Variants in MBNL1 observed in about 807,000 individuals in gnomAD.
MBNL1 encodes muscleblind-like protein 1.
Under a neutral mutation model 42.2 loss-of-function variants are expected in MBNL1, and 8 were observed. The observed-to-expected ratio is 0.19, with a 90% CI of 0.11 to 0.34. The LOEUF (loss-of-function observed/expected upper bound fraction) is 0.34. MBNL1 is among the 10% of genes least tolerant of loss of function. The pLI, the probability that MBNL1 is intolerant of heterozygous loss-of-function variation, is 1.00. For missense variants in MBNL1, 309 were observed against 495.3 expected (o/e 0.62, Z 3.57); for synonymous variants, 169 against 173.9 (o/e 0.97, Z 0.22).
At chr3:152,318,987 C>G (rs2074297832) in intron 2 of MBNL1, among the ~76,000 whole-genome samples, 1 of 152,110 alleles carries the variant, frequency 6.6e-6, no homozygotes, top group South Asian at 2.1e-4. Flanking sequence ...GGAAGTTCCT[C>G]TAGCATTTTT....
At chr3:152,336,274 G>C (rs140796339) in intron 2 of MBNL1, among the ~76,000 whole-genome samples, 49 of 151,754 alleles carry the variant, frequency 3.2e-4, no homozygotes, top group Admixed American at 1.5e-3. Flanking sequence ...TTTCATTTTT[G>C]TTGTTTAGAT....
chr3:152,319,381 G>C lies in MBNL1; in HGVS notation c.174+19014G>C, dbSNP rs140293123. 2.2e-3 allele frequency among the ~76,000 whole-genome samples: 336 copies of C among 152,224 alleles called. 1 individual carries two copies. Among genetic ancestry groups the C allele is most frequent in the African/African-American group, 7.7e-3 (320 of 41,542 alleles). On this transcript the variant is annotated intron_variant, in intron 2 of 9. Coordinates refer to ENST00000324210, the MANE Select transcript of MBNL1 (RefSeq NM_021038.5). ...TTAGTTTTACAGATAGGGAACCAAGGAGTGGTGAGGTTAGGGTTTAATCAT... is the reference window on the plus strand; with the variant it reads ...TTAGTTTTACAGATAGGGAACCAAGCAGTGGTGAGGTTAGGGTTTAATCAT...
At chr3:152,304,094 C>T (rs1279873875) in intron 2 of MBNL1, among the ~76,000 whole-genome samples, 2 of 152,124 alleles carry the variant, frequency 1.3e-5, no homozygotes, top group Non-Finnish European at 2.9e-5. Context: ...AGAGCCTCTG[C>T]AGGCTTAGCA....
At chr3:152,400,165 C>T (rs1386936331) in intron 2 of MBNL1, among the ~76,000 whole-genome samples, 5 of 152,126 alleles carry the variant, frequency 3.3e-5, no homozygotes, top group Admixed American at 6.6e-5. Flanking sequence ...TAATGGTAGA[C>T]GTTGTAATTA....
intron 2 of MBNL1, among the ~76,000 whole-genome samples, chr3:152,388,444 T>C (rs1430073126): frequency 6.6e-6 from 1 of 152,212 alleles, no homozygotes; most frequent in Non-Finnish European, 1.5e-5. Flanking sequence ...GATTTTAGCT[T>C]TTCAGCTTTT....
At chr3:152,298,523 G>T (rs2059554754) in intron 1 of MBNL1, among the ~76,000 whole-genome samples, 1 of 152,156 alleles carries the variant, frequency 6.6e-6, no homozygotes, top group Non-Finnish European at 1.5e-5. Flanking sequence ...TTTCTCCCTT[G>T]AGGTTGACTT....
intron 2 of MBNL1, among the ~76,000 whole-genome samples, chr3:152,348,205 A>G (rs57752182): frequency 6.6e-6 from 1 of 152,286 alleles, no homozygotes; most frequent in African/African-American, 2.4e-5. Context: ...TCTGTCCCTT[A>G]TGGAGAAAAA....
intron 1 of MBNL1, among the ~76,000 whole-genome samples, chr3:152,282,769 G>A (rs772001969): frequency 8.6e-5 from 13 of 151,980 alleles, no homozygotes; most frequent in South Asian, 4.1e-4. Flanking sequence ...TACTATGCAC[G>A]AAGGAAGGAT....
At chr3:152,277,491 A>G (rs937417097) in intron 1 of MBNL1, among the ~76,000 whole-genome samples, 1 of 152,176 alleles carries the variant, frequency 6.6e-6, no homozygotes. Flanking sequence ...GGAAGGTATC[A>G]GTATAACCAG....
At chr3:152,335,244 G>A (rs1394934818) in intron 2 of MBNL1, 12 of 1,289,626 alleles carry the variant, frequency 9.3e-6, no homozygotes, top group Non-Finnish European at 1.1e-5. Flanking sequence ...AGTGAATAAG[G>A]CAATTGGGGA....
In MBNL1 at chr3:152,463,318, AC is replaced by A. The variant is rs1454311916; in HGVS notation, c.*953del. 1 of 152,236 alleles carries A rather than the reference AC, an allele frequency of 6.6e-6. No individual in the cohort carries two copies. The highest frequency in any genetic ancestry group is 1.5e-5 in the Non-Finnish European group (1 of 67,902). The allele number at this position is 152,236 out of a possible 1,614,324, so 9.4% of individuals were successfully genotyped here. On this transcript the variant is annotated 3_prime_UTR_variant, in exon 10 of 10. Coordinates refer to ENST00000324210, the MANE Select transcript of MBNL1 (RefSeq NM_021038.5). The stretch of plus-strand genomic sequence containing the variant: ...GCATTGTAGTGTAATATTTATGCAT[AC>A]TATACTGTATAACATGTTATTCAAA...
At chr3:152,243,959 C>CA (rs1160705701) in exon 1 of MBNL1, 1 of 152,182 alleles carries the variant, frequency 6.6e-6, no homozygotes, top group Non-Finnish European at 1.5e-5. Context: ...CGCCTGCCAC[C>CA]ATGCCAGGCT....
At chr3:152,404,753 T>C (rs542431408) in intron 2 of MBNL1, among the ~76,000 whole-genome samples, 3 of 149,356 alleles carry the variant, frequency 2.0e-5, no homozygotes, top group Admixed American at 6.7e-5. Flanking sequence ...TATAATAGTT[T>C]TTAAATTATT....
chr3:152,369,061 G>T (rs530139394), intron 2 of MBNL1, among the ~76,000 whole-genome samples: 1 of 152,278 alleles, frequency 6.6e-6, no homozygotes, highest in East Asian at 1.9e-4. Flanking sequence ...AATAGGAGTG[G>T]TAAGAGAGGG....
intron 2 of MBNL1, among the ~76,000 whole-genome samples, chr3:152,380,723 TGAG>T (rs2097144300): frequency 6.6e-6 from 1 of 152,034 alleles, no homozygotes; most frequent in South Asian, 2.1e-4. Context: ...TTTCCTATAT[TGAG>T]TTTTTTTTTT....
chr3:152,389,671 T>C (rs1292721891), intron 2 of MBNL1, among the ~76,000 whole-genome samples: 1 of 152,062 alleles, frequency 6.6e-6, no homozygotes, highest in Admixed American at 6.5e-5. Context: ...AGATTACAAA[T>C]TTTTACACCT....
intron 2 of MBNL1, among the ~76,000 whole-genome samples, chr3:152,413,179 T>G (rs1487380177): frequency 1.3e-5 from 2 of 152,220 alleles, no homozygotes; most frequent in African/African-American, 4.8e-5. Flanking sequence ...CCAACCTACA[T>G]CAAGCATGGT....
intron 2 of MBNL1, among the ~76,000 whole-genome samples, chr3:152,379,110 A>G (rs1398602572): frequency 6.6e-6 from 1 of 152,246 alleles, no homozygotes; most frequent in Non-Finnish European, 1.5e-5. Flanking sequence ...ACATTAACAA[A>G]TAATCTCAAA....
At chr3:152,376,702 C>A (rs1443961971) in intron 2 of MBNL1, among the ~76,000 whole-genome samples, 1 of 152,122 alleles carries the variant, frequency 6.6e-6, no homozygotes, top group African/African-American at 2.4e-5. Flanking sequence ...GTAAAGAATG[C>A]AGAAGCCTCA....
Sources: gnomAD v4.1 joint callset for allele counts (sites outside exome capture counted in the v4.1 genomes callset) on GRCh38, gnomAD v4.1.1 for gene constraint, MANE v1.5 for transcripts, NCBI Gene and HGNC (gene_info 2026-07-23, HGNC 2026-07-21) for gene names.